SPRR2G: variants seen among roughly 807,000 people sequenced by gnomAD.
SPRR2G encodes small proline-rich protein 2G.
Under a neutral mutation model 0.7 loss-of-function variants are expected in SPRR2G, and 1 was observed. That is an observed-to-expected ratio of 1.49 (90% CI 0.53 to 7.06). The LOEUF is 7.06. SPRR2G is among the 30% of genes most tolerant of loss of function. The pLI is 0.14. For missense variants in SPRR2G, 96 were observed against 88.5 expected, an observed-to-expected ratio of 1.09 and a Z score of -0.34; for synonymous variants, 38 against 33.9, an observed-to-expected ratio of 1.12 and a Z score of -0.42.
the SPRR2G span, among the ~76,000 whole-genome samples, chr1:153,170,367 A>G: frequency 1.3e-5 from 2 of 152,372 alleles, no homozygotes; most frequent in African/African-American, 4.8e-5. Flanking sequence ...AAAAAGCTGT[A>G]TAATTGGTAA....
chr1:153,149,941 G>A lies in SPRR2G; in HGVS notation c.170C>T (p.Pro57Leu). The change falls in exon 2 of 2, where the codon CCT becomes CTT. Residue 57 changes from proline (P) to leucine (L), a missense_variant. Transcript: ENST00000368748. ...PPPPCQDKCPPVQPYPPCQQK... is the reference protein window; with the variant it reads ...PPPPCQDKCPLVQPYPPCQQK... ...CTGGCAGGGTGGGTATGGTTGCACA[G>A]GAGGGCATTTATCCTGGCATGGTGG... 1.9e-6 allele frequency: 3 copies of A among 1,614,112 alleles called. No individual in the cohort carries two copies. The highest frequency in any genetic ancestry group is 2.5e-6 in the Non-Finnish European group (3 of 1,180,036).
At chr1:153,167,387 T>G in the SPRR2G span, among the ~76,000 whole-genome samples, 1 of 152,090 alleles carries the variant, frequency 6.6e-6, no homozygotes, top group Non-Finnish European at 1.5e-5. Context: ...AGCAGGAGAA[T>G]CGCTTGAACC....
chr1:153,149,610 T>G lies in SPRR2G; in HGVS notation c.*279A>C. The G allele has an allele frequency of 2.0e-6, 1 of 506,640 alleles. No homozygotes were observed. Among genetic ancestry groups the G allele is most frequent in the Non-Finnish European group, 3.6e-6 (1 of 279,344 alleles). 31.4% of individuals were successfully genotyped at this position (506,640 alleles called of 1,614,324 possible). ...GCTTGACCATGAAACATGTGCTTTA[T>G]TGGGGAGAAGCAAAAGAATAAACAC... On this transcript the variant is annotated 3_prime_UTR_variant, in exon 2 of 2. Coordinates refer to ENST00000368748, the MANE Select transcript of SPRR2G (RefSeq NM_001014291.4).
the SPRR2G span, among the ~76,000 whole-genome samples, chr1:153,183,254 A>G: frequency 2.7e-5 from 4 of 147,114 alleles, no homozygotes; most frequent in Non-Finnish European, 6.0e-5. Context: ...CACCCAGCTA[A>G]TTTTGTATTT....
chr1:153,154,463 T>C (rs1656541025), upstream of SPRR2G, among the ~76,000 whole-genome samples: 2 of 152,266 alleles, frequency 1.3e-5, no homozygotes, highest in African/African-American at 4.8e-5. Flanking sequence ...TAGAGTTTAC[T>C]ACTGTAGCCA....
the SPRR2G span, among the ~76,000 whole-genome samples, chr1:153,169,249 C>T: frequency 6.6e-6 from 1 of 152,056 alleles, no homozygotes; most frequent in African/African-American, 2.4e-5. Context: ...CAACAGTAGA[C>T]CGACGTTCCT....
At chr1:153,151,368 C>A (rs1377215002), upstream of SPRR2G, among the ~76,000 whole-genome samples, 1 of 152,142 alleles carries the variant, frequency 6.6e-6, no homozygotes, top group Admixed American at 6.5e-5. Context: ...GATCCTTAGG[C>A]TTTTCTTGAC....
the SPRR2G span, among the ~76,000 whole-genome samples, chr1:153,171,942 A>G: frequency 6.6e-6 from 1 of 152,018 alleles, no homozygotes; most frequent in Non-Finnish European, 1.5e-5. Flanking sequence ...TACTCCAGCT[A>G]TCAGTATCTA....
At chr1:153,164,246 G>A in the SPRR2G span, among the ~76,000 whole-genome samples, 1 of 152,200 alleles carries the variant, frequency 6.6e-6, no homozygotes, top group African/African-American at 2.4e-5. Flanking sequence ...GGCATGGAGA[G>A]GCACAGGTCT....
chr1:153,168,648 T>A, the SPRR2G span, among the ~76,000 whole-genome samples: 1 of 152,152 alleles, frequency 6.6e-6, no homozygotes, highest in Non-Finnish European at 1.5e-5. Context: ...AGCATATGAA[T>A]GATCCTATGG....
At chr1:153,182,290 C>T in the SPRR2G span, among the ~76,000 whole-genome samples, 4 of 151,802 alleles carry the variant, frequency 2.6e-5, no homozygotes, top group East Asian at 7.7e-4. Flanking sequence ...TGTTTGAGTT[C>T]CTGCATACCC....
At chr1:153,156,977 T>C in the SPRR2G span, among the ~76,000 whole-genome samples, 1 of 152,154 alleles carries the variant, frequency 6.6e-6, no homozygotes, top group Non-Finnish European at 1.5e-5. Flanking sequence ...TTATTCAAAA[T>C]ATACAGAGCT....
chr1:153,197,309 A>G, the SPRR2G span, among the ~76,000 whole-genome samples: 2 of 152,004 alleles, frequency 1.3e-5, no homozygotes, highest in Non-Finnish European at 2.9e-5. Flanking sequence ...TGTATCCTGG[A>G]CAAATCCAAC....
the SPRR2G span, among the ~76,000 whole-genome samples, chr1:153,200,734 C>G: frequency 1.4e-5 from 2 of 146,932 alleles, no homozygotes; most frequent in African/African-American, 2.5e-5. Flanking sequence ...GAGTCTCACT[C>G]TATTGCCCAG....
chr1:153,152,211 A>T, upstream of SPRR2G, among the ~76,000 whole-genome samples: 1 of 152,344 alleles, frequency 6.6e-6, no homozygotes, highest in South Asian at 2.1e-4. Context: ...AATTTCAAAC[A>T]TGTCAAAAAC....
At chr1:153,180,765 T>G in the SPRR2G span, among the ~76,000 whole-genome samples, 1 of 152,204 alleles carries the variant, frequency 6.6e-6, no homozygotes, top group African/African-American at 2.4e-5. Flanking sequence ...CTCCACACTC[T>G]GTCTAAACTT....
chr1:153,192,542 AT>A, the SPRR2G span, among the ~76,000 whole-genome samples: 1 of 152,120 alleles, frequency 6.6e-6, no homozygotes, highest in African/African-American at 2.4e-5. Flanking sequence ...GTCCCCCCAA[AT>A]TGCACCCACT....
chr1:153,184,586 GC>G, the SPRR2G span, among the ~76,000 whole-genome samples: 2 of 152,152 alleles, frequency 1.3e-5, no homozygotes, highest in Non-Finnish European at 2.9e-5. Context: ...TTGCTTATCA[GC>G]TTAAGGAGTT....
the SPRR2G span, among the ~76,000 whole-genome samples, chr1:153,195,597 C>T: frequency 1.3e-5 from 2 of 152,102 alleles, no homozygotes; most frequent in Non-Finnish European, 2.9e-5. Context: ...CAAGGATGAT[C>T]GAAATTCTAA....
Sources: gnomAD v4.1 joint callset for allele counts (sites outside exome capture counted in the v4.1 genomes callset) on GRCh38, gnomAD v4.1.1 for gene constraint, MANE v1.5 for transcripts, NCBI Gene and HGNC (gene_info 2026-07-23, HGNC 2026-07-21) for gene names.